The following AIMP1 variants were observed in gnomAD, a reference collection of about 807,000 sequenced individuals.
AIMP1 encodes aminoacyl tRNA synthase complex-interacting multifunctional protein 1.
In AIMP1, 24 loss-of-function variants were observed where a neutral mutation model predicts 33.1. That is an observed-to-expected ratio of 0.73 (90% CI 0.53 to 1.02). The LOEUF (loss-of-function observed/expected upper bound fraction) is 1.02. Among genes scored for constraint, AIMP1 ranks in the 50% least tolerant of loss-of-function variants. AIMP1 has a pLI of 0.00. For synonymous variants in AIMP1, 120 were observed against 121.5 expected (o/e 0.99, Z 0.08); for missense variants, 367 against 364.8 (o/e 1.01, Z -0.05).
chr4:106,332,962 A>G (rs546147342), intron 5 of AIMP1, among the ~76,000 whole-genome samples: 12 of 152,262 alleles, frequency 7.9e-5, no homozygotes, highest in African/African-American at 2.4e-4. Context: ...GGAATTTTAC[A>G]TGAAAATCCT....
chr4:106,337,952 T>C (rs1272112574), intron 6 of AIMP1, among the ~76,000 whole-genome samples: 1 of 152,238 alleles, frequency 6.6e-6, no homozygotes, highest in East Asian at 1.9e-4. Context: ...ACTTTTGCTA[T>C]ACTTTAGCAA....
chr4:106,349,398 T>C lies in AIMP1; in HGVS notation c.*1706T>C, dbSNP rs964562776. On this transcript the variant is annotated 3_prime_UTR_variant, in exon 7 of 7. Transcript: ENST00000672341. ...TTGTTAGTGAAACCTAAACTGATGA[T>C]TAAATCGTTCATCAAACCTAGAGAT... 1.3e-5 allele frequency among the ~76,000 whole-genome samples: 2 copies of C among 152,082 alleles called. No homozygotes were observed. The highest frequency in any genetic ancestry group is 4.8e-5 in the African/African-American group (2 of 41,432).
chr4:106,325,822 C>T (rs1179022920), intron 2 of AIMP1, among the ~76,000 whole-genome samples: 2 of 151,622 alleles, frequency 1.3e-5, no homozygotes, highest in East Asian at 1.9e-4. Flanking sequence ...AATAACCTAC[C>T]TATATATAAT....
chr4:106,340,066 A>C (rs1413151814), intron 6 of AIMP1, among the ~76,000 whole-genome samples: 2 of 152,170 alleles, frequency 1.3e-5, no homozygotes, highest in Non-Finnish European at 2.9e-5. Context: ...AAGAGGAAGG[A>C]CCTGATAAAA....
chr4:106,335,676 G>A (rs1216947067), intron 5 of AIMP1, among the ~76,000 whole-genome samples: 1 of 152,054 alleles, frequency 6.6e-6, no homozygotes, highest in Non-Finnish European at 1.5e-5. Flanking sequence ...CATTCGAAGA[G>A]AAATATTATT....
chr4:106,327,932 A>G, intron 3 of AIMP1, 144 bp from the exon 4 acceptor site: 1 of 1,270,306 alleles, frequency 7.9e-7, no homozygotes, highest in Admixed American at 2.7e-5. Context: ...CAGCCATTTT[A>G]TAGTCTCAGA....
chr4:106,339,148 A>G (rs906502297), intron 6 of AIMP1, among the ~76,000 whole-genome samples: 2 of 152,216 alleles, frequency 1.3e-5, no homozygotes, highest in African/African-American at 4.8e-5. Context: ...GTCTTGTCTC[A>G]GATGAGATGC....
In AIMP1 at chr4:106,347,675, AACAGTGG is replaced by A. The variant is rs756757559; in HGVS notation, c.924_930del (p.Asn308LysfsTer45). On this transcript the variant is annotated frameshift_variant, in exon 7 of 7. Transcript: ENST00000672341. LOFTEE classifies it high-confidence loss of function. The stretch of plus-strand genomic sequence containing the variant: ...AGTATGTAGGGCTCAAACCATGAGC[AACAGTGG>A]AATCAAATAAAATGCTTCCACTACC... 2 of 1,613,206 alleles carry A rather than the reference AACAGTGG, an allele frequency of 1.2e-6. No homozygotes were observed. The highest frequency in any genetic ancestry group is 8.5e-7 in the Non-Finnish European group (1 of 1,179,528).
At chr4:106,320,215 T>G (rs1481554152) in intron 1 of AIMP1, among the ~76,000 whole-genome samples, 1 of 152,190 alleles carries the variant, frequency 6.6e-6, no homozygotes, top group Non-Finnish European at 1.5e-5. Context: ...ATTAATGAAA[T>G]GAGCACTGGG....
At chr4:106,337,481 A>G (rs1025926931) in intron 6 of AIMP1, among the ~76,000 whole-genome samples, 1 of 152,178 alleles carries the variant, frequency 6.6e-6, no homozygotes, top group African/African-American at 2.4e-5. Context: ...TATATAAGAC[A>G]TGCCTTTGCT....
intron 1 of AIMP1, chr4:106,321,208 T>C: frequency 6.3e-6 from 1 of 159,710 alleles, no homozygotes; most frequent in South Asian, 1.8e-4. Context: ...TGGCCGCCCA[T>C]CGTCGGGGAT....
At chr4:106,338,339 C>T (rs1769967963) in intron 6 of AIMP1, among the ~76,000 whole-genome samples, 1 of 152,222 alleles carries the variant, frequency 6.6e-6, no homozygotes, top group South Asian at 2.1e-4. Context: ...ATCACAGAAC[C>T]TGAGGCCTAG....
intron 6 of AIMP1, 74 bp from the exon 7 acceptor site, chr4:106,347,452 C>A (rs1770345674): frequency 7.3e-7 from 1 of 1,366,550 alleles, no homozygotes; most frequent in East Asian, 2.5e-5. Flanking sequence ...CACTGGAAAT[C>A]TCTGTGAATA....
chr4:106,322,751 G>A (rs1006179693), intron 1 of AIMP1, among the ~76,000 whole-genome samples: 2 of 152,154 alleles, frequency 1.3e-5, no homozygotes, highest in Non-Finnish European at 2.9e-5. Context: ...TTGGGAAGCC[G>A]AGGTGGGCAG....
intron 2 of AIMP1, among the ~76,000 whole-genome samples, chr4:106,327,144 C>T (rs561279029): frequency 5.3e-5 from 8 of 152,208 alleles, no homozygotes; most frequent in South Asian, 2.1e-4. Flanking sequence ...TTATTATAGC[C>T]GCAATGCTGA....
At chr4:106,331,200 G>T (rs1373154016) in intron 4 of AIMP1, among the ~76,000 whole-genome samples, 1 of 152,094 alleles carries the variant, frequency 6.6e-6, no homozygotes. Flanking sequence ...TCTAAATAAA[G>T]TATTTATCAC....
At position 106,328,088 on chromosome 4, in the gene AIMP1, C is replaced by T; in HGVS notation, c.236C>T (p.Pro79Leu). 1 of 1,612,550 alleles carries T rather than the reference C, an allele frequency of 6.2e-7. No individual in the cohort carries two copies. Among genetic ancestry groups the T allele is most frequent in the Non-Finnish European group, 8.5e-7 (1 of 1,178,930 alleles). Residue 79 changes from proline to leucine, a missense_variant, in exon 4 of 7, where the codon CCA becomes CTA. Coordinates refer to ENST00000672341, the MANE Select transcript of AIMP1 (RefSeq NM_001142416.2). ...AEIQNGVKQI[P>L]FPSGTPLHAN... is the part of the protein sequence containing the mutation. ...TTTTCTGTCTCAGTGAAGCAAATAC[C>T]ATTTCCATCTGGTACTCCACTGCAC... is the stretch of plus-strand genomic sequence containing the variant.
chr4:106,347,537 A>G lies in AIMP1; in HGVS notation c.784A>G (p.Lys262Glu). 6.2e-7 allele frequency: 1 copy of G among 1,613,018 alleles called. No homozygotes were observed. Among genetic ancestry groups the G allele is most frequent in the Non-Finnish European group, 8.5e-7 (1 of 1,179,400 alleles). ...TTTCTCCTACACAGGAGAGCCTGAC[A>G]AGGAGCTGAATCCTAAGAAGAAGAT... Reference protein sequence around the residue: ...TFDAFPGEPDKELNPKKKIWE... With the variant: ...TFDAFPGEPDEELNPKKKIWE... Residue 262 changes from lysine to glutamate, a missense_variant, in exon 7 of 7, where the codon AAG (lysine) becomes GAG (glutamate). Physicochemically the swap from Lys to Glu is moderately conservative, Grantham distance 56. Coordinates refer to ENST00000672341, the MANE Select transcript of AIMP1 (RefSeq NM_001142416.2).
At chr4:106,338,848 C>T (rs939256308) in intron 6 of AIMP1, among the ~76,000 whole-genome samples, 1 of 152,224 alleles carries the variant, frequency 6.6e-6, no homozygotes, top group African/African-American at 2.4e-5. Context: ...GGGATGGTGG[C>T]TGTGCCCTAC....
Sources: gnomAD v4.1 joint callset for allele counts (sites outside exome capture counted in the v4.1 genomes callset) on GRCh38, gnomAD v4.1.1 for gene constraint, MANE v1.5 for transcripts, NCBI Gene and HGNC (gene_info 2026-07-23, HGNC 2026-07-21) for gene names.